Variants in AR observed in about 807,000 individuals in gnomAD.
AR encodes the protein androgen receptor.
A neutral mutation model predicts 53.9 loss-of-function variants in AR; 8 were observed. The observed-to-expected ratio is 0.15, with a 90% CI of 0.09 to 0.27. AR has a LOEUF of 0.27. Among genes scored for constraint, AR ranks in the 10% least tolerant of loss-of-function variants. The pLI is 1.00. For missense variants in AR, 639 were observed against 742.5 expected (o/e 0.86, Z 1.62); for synonymous variants, 359 against 316.4 (o/e 1.13, Z -1.43).
At chrX:67,628,477 C>A (rs1270298781) in intron 1 of AR, among the ~76,000 whole-genome samples, 1 of 107,949 alleles carries the variant, frequency 9.3e-6, no homozygotes, top group Non-Finnish European at 1.9e-5. Context: ...GATTTTTGTA[C>A]ATTGATTTTG....
At chrX:67,651,865 G>T (rs1298019408) in intron 2 of AR, among the ~76,000 whole-genome samples, 1 of 111,763 alleles carries the variant, frequency 8.9e-6, no homozygotes, top group Non-Finnish European at 1.9e-5. Context: ...TTCTGATTCT[G>T]ATGAGACCCA....
At chrX:67,651,796 A>G (rs1265890165) in intron 2 of AR, among the ~76,000 whole-genome samples, 1 of 111,863 alleles carries the variant, frequency 8.9e-6, no homozygotes, top group Admixed American at 9.6e-5. Context: ...TCTTCATTAG[A>G]TGTGCGAGGG....
chrX:67,710,464 A>G (rs1281875104), intron 3 of AR, among the ~76,000 whole-genome samples: 1 of 110,484 alleles, frequency 9.1e-6, no homozygotes, highest in Admixed American at 9.7e-5. Context: ...GAGACTACAG[A>G]TGTGCACCAC....
intron 1 of AR, among the ~76,000 whole-genome samples, chrX:67,617,531 C>A (rs1924179933): frequency 9.0e-6 from 1 of 111,727 alleles, no homozygotes; most frequent in South Asian, 3.7e-4. Context: ...TAATCCAACT[C>A]TCTTGAGTTT....
intron 2 of AR, among the ~76,000 whole-genome samples, chrX:67,673,433 T>C (rs1252832785): frequency 9.3e-6 from 1 of 107,038 alleles, no homozygotes; most frequent in Non-Finnish European, 1.9e-5. Flanking sequence ...CTTTTGAGGC[T>C]GTTTTCTAGA....
intron 1 of AR, among the ~76,000 whole-genome samples, chrX:67,570,578 T>C (rs1266896961): frequency 9.0e-6 from 1 of 111,224 alleles, no homozygotes; most frequent in Non-Finnish European, 1.9e-5. Flanking sequence ...GTGAAGTAAA[T>C]TTGCAAGATA....
In AR at chrX:67,558,223, A is replaced by G. The variant is rs1487727160; in HGVS notation, c.1616+11461A>G. On this transcript the variant is annotated intron_variant, in intron 1 of 7. Transcript: ENST00000374690. Reference sequence around the variant, plus strand: ...GAAAAGTGAAAATTCTTTGGTCCATACTGAGAACAAAGAATTATACATAAT... The same window carrying G: ...GAAAAGTGAAAATTCTTTGGTCCATGCTGAGAACAAAGAATTATACATAAT... 6.2e-5 allele frequency among the ~76,000 whole-genome samples: 7 copies of G among 112,419 alleles called. No individual in the cohort carries two copies. The East Asian group carries it at 1.7e-3, about 27-fold the overall frequency.
rs1439845517 is a variant in AR at position 67,546,511 on chromosome X, T to TGGCGGCGGCGGCGGCGGCGGCGGC, written c.1367_1368insCGGCGGCGGCGGCGGCGGCGGCGG (p.Gly466_Gly473dup). The TGGCGGCGGCGGCGGCGGCGGCGGC allele has an allele frequency of 2.0e-6, 1 of 510,792 alleles. No homozygotes were observed. Among genetic ancestry groups the TGGCGGCGGCGGCGGCGGCGGCGGC allele is most frequent in the African/African-American group, 4.0e-5 (1 of 25,233 alleles). 42.1% of individuals were successfully genotyped at this position (510,792 alleles called of 1,213,427 possible). ...ATGGACCGTGTGGTGGTGGTGGGGG[T>TGGCGGCGGCGGCGGCGGCGGCGGC]GGTGGCGGCGGCGGCGGCGGCGGCG... On this transcript the variant is annotated inframe_insertion, in exon 1 of 8. Coordinates refer to ENST00000374690, the MANE Select transcript of AR (RefSeq NM_000044.6).
chrX:67,593,195 C>T (rs1391105303), intron 1 of AR, among the ~76,000 whole-genome samples: 1 of 110,925 alleles, frequency 9.0e-6, no homozygotes, highest in African/African-American at 3.3e-5. Context: ...TCTTTGGAAA[C>T]TTTTTACCTT....
In AR at chrX:67,724,057, AT is replaced by A; in HGVS notation, c.*217del. ...TCTTCCCTCCCTATCTAACCCTCCCATGGCACCTTCAGACTTTGCTTCCCAT... is the reference window on the plus strand; with the variant it reads ...TCTTCCCTCCCTATCTAACCCTCCCAGGCACCTTCAGACTTTGCTTCCCAT... On this transcript the variant is annotated 3_prime_UTR_variant, in exon 8 of 8. Coordinates refer to ENST00000374690, the MANE Select transcript of AR (RefSeq NM_000044.6). 2.2e-6 allele frequency: 1 copy of A among 447,000 alleles called. No homozygotes were observed. The highest frequency in any genetic ancestry group is 3.5e-5 in the South Asian group (1 of 28,458). 36.8% of individuals were successfully genotyped at this position (447,000 alleles called of 1,213,427 possible).
At chrX:67,664,466 T>C (rs1344163066) in intron 2 of AR, among the ~76,000 whole-genome samples, 2 of 111,865 alleles carry the variant, frequency 1.8e-5, no homozygotes, top group Non-Finnish European at 3.8e-5. Flanking sequence ...TGGTTGATCA[T>C]TCCTCTGGAA....
At chrX:67,597,631 C>T (rs1231145050) in intron 1 of AR, among the ~76,000 whole-genome samples, 1 of 111,861 alleles carries the variant, frequency 8.9e-6, no homozygotes, top group Non-Finnish European at 1.9e-5. Context: ...CTGTATGCTA[C>T]TGAATGCAGA....
Position 67,545,924 on chromosome X carries a change from G to A in AR, c.778G>A (p.Gly260Arg), listed in dbSNP as rs749053130. Residue 260 changes from glycine (G) to arginine (R), a missense_variant, in exon 1 of 8, where the codon GGG (glycine) becomes AGG (arginine). Around this residue, in one of 5 missense-constraint regions of AR, gnomAD observed 423 missense variants for 377.0 expected, o/e 1.12. Transcript: ENST00000374690. ...GGAGGCGTTGGAGCATCTGAGTCCA[G>A]GGGAACAGCTTCGGGGGGATTGCAT... is the stretch of plus-strand genomic sequence containing the variant. Reference protein sequence around the residue: ...GVEALEHLSPGEQLRGDCMYA... With the variant: ...GVEALEHLSPREQLRGDCMYA... The A allele has an allele frequency of 2.1e-5, 26 of 1,210,782 alleles. No individual in the cohort carries two copies. The highest frequency in any genetic ancestry group is 4.4e-5 in the Admixed American group (2 of 45,970).
intron 2 of AR, among the ~76,000 whole-genome samples, chrX:67,664,137 A>G (rs1005129908): frequency 8.9e-6 from 1 of 112,043 alleles, no homozygotes; most frequent in African/African-American, 3.2e-5. Flanking sequence ...GTCATTCTCC[A>G]TCCAGCTTTG....
At chrX:67,701,454 T>G (rs1163918685) in intron 3 of AR, among the ~76,000 whole-genome samples, 1 of 111,742 alleles carries the variant, frequency 8.9e-6, no homozygotes, top group Non-Finnish European at 1.9e-5. Context: ...GGCTTCAGCC[T>G]CCCCATCTTT....
rs910581832 is a variant in AR at position 67,645,821 on chromosome X, A to G, written c.1768+2414A>G. On this transcript the variant is annotated intron_variant, in intron 2 of 7. Coordinates refer to ENST00000374690, the MANE Select transcript of AR (RefSeq NM_000044.6). ...CTCCTCCCATCTGTGAAGCTGTTGG[A>G]TTGATTTTACTGCCATCATTATCCC... Among the ~76,000 whole-genome samples, 3 of 110,999 alleles carry G rather than the reference A, an allele frequency of 2.7e-5. No homozygotes were observed. In the East Asian group the frequency reaches 8.6e-4, roughly 32 times the overall value.
At chrX:67,629,617 T>A (rs1924944970) in intron 1 of AR, among the ~76,000 whole-genome samples, 3 of 110,389 alleles carry the variant, frequency 2.7e-5, no homozygotes, top group African/African-American at 9.9e-5. Flanking sequence ...TTTTGAAGGG[T>A]TTTTTGTGTC....
intron 1 of AR, among the ~76,000 whole-genome samples, chrX:67,562,248 A>G (rs1921355404): frequency 9.1e-6 from 1 of 109,869 alleles, no homozygotes; most frequent in African/African-American, 3.3e-5. Flanking sequence ...ACAGGCGTGA[A>G]TCAATGTGCC....
At position 67,562,356 on chromosome X, in the gene AR, ATGTGTG is replaced by A. The variant is rs756124629; in HGVS notation, c.1616+15628_1616+15633del. On this transcript the variant is annotated intron_variant, in intron 1 of 7. Coordinates refer to ENST00000374690, the MANE Select transcript of AR (RefSeq NM_000044.6). ...GTTTTGTTTGGTCTATATGGTGTATATGTGTGTGTGTGTGTGTGTGTGTGTGTGTGT... is the reference window on the plus strand; with the variant it reads ...GTTTTGTTTGGTCTATATGGTGTATATGTGTGTGTGTGTGTGTGTGTGTGT... Among the ~76,000 whole-genome samples, 911 of 95,016 alleles carry A rather than the reference ATGTGTG, an allele frequency of 9.6e-3. 5 individuals are homozygous for A. The highest frequency in any genetic ancestry group is 0.033 in the African/African-American group (833 of 25,438). 82.5% of individuals were successfully genotyped at this position (95,016 alleles called of 115,157 possible). A position where few individuals can be genotyped will look rare whatever the true frequency, so the allele number is the denominator to read the frequency against.
Sources: allele counts gnomAD v4.1 joint callset (sites outside exome capture counted in the v4.1 genomes callset), GRCh38; gene constraint gnomAD v4.1.1; regional missense constraint gnomAD v4.1.1; transcripts MANE v1.5; gene names NCBI Gene and HGNC (gene_info 2026-07-23, HGNC 2026-07-21).